Variants in NCOA1 observed in about 807,000 individuals in gnomAD.
The protein encoded by NCOA1 is Hin-2 protein.
Under a neutral mutation model 150.9 loss-of-function variants are expected in NCOA1, and 35 were observed. The ratio of observed to expected loss-of-function variants is 0.23; its 90% CI spans 0.18 to 0.31. NCOA1 has a LOEUF of 0.31. Ranked by LOEUF, NCOA1 falls within the 10% of genes least tolerant of loss-of-function variation. The pLI is 1.00. For synonymous variants in NCOA1, 590 were observed against 630.0 expected, an observed-to-expected ratio of 0.94 and a Z score of 0.95; for missense variants, 1,491 against 1,749.3, an observed-to-expected ratio of 0.85 and a Z score of 2.63.
At chr2:24,597,467 T>A (rs1667930029) in intron 3 of NCOA1, among the ~76,000 whole-genome samples, 1 of 152,040 alleles carries the variant, frequency 6.6e-6, no homozygotes, top group African/African-American at 2.4e-5. Context: ...TGGAAAACCA[T>A]AATCAATGGG....
At chr2:24,745,691 T>C (rs1359790277) in intron 19 of NCOA1, among the ~76,000 whole-genome samples, 1 of 152,190 alleles carries the variant, frequency 6.6e-6, no homozygotes, top group Non-Finnish European at 1.5e-5. Flanking sequence ...ACAGTATCTC[T>C]CAGCTCATAT....
rs573278855 is a variant in NCOA1, at chr2:24,563,048, C to T, written c.-395-1247C>T. Reference sequence around the variant, plus strand: ...GCTCTAAAGCATTATTTTCGAAAGCCAGATTTAGCCCAGTGGTTGAAAGAG... The same window carrying T: ...GCTCTAAAGCATTATTTTCGAAAGCTAGATTTAGCCCAGTGGTTGAAAGAG... On this transcript the variant is annotated intron_variant, in intron 1 of 22. Coordinates refer to ENST00000348332, the MANE Select transcript of NCOA1 (RefSeq NM_003743.5). Among the ~76,000 whole-genome samples the T allele has an allele frequency of 7.6e-4, 116 of 152,232 alleles. 1 individual carries two copies. Among genetic ancestry groups the T allele is most frequent in the African/African-American group, 2.7e-3 (111 of 41,538 alleles).
chr2:24,741,963 G>A lies in NCOA1; in HGVS notation c.3483G>A (p.Gln1161=), dbSNP rs1382361792. ...AAATGGGGAACCCCCGTCTTCCTCA[G>A]GGTGCTCCACAGCAATTCCCCTATC... ...PVQMGNPRLP[Q]GAPQQFPYPP... is the part of the protein sequence containing the mutation. Residue 1161 remains glutamine (Q), a synonymous_variant, in exon 19 of 23, where the codon CAG becomes CAA. Coordinates refer to ENST00000348332, the MANE Select transcript of NCOA1 (RefSeq NM_003743.5). 6.2e-7 allele frequency: 1 copy of A among 1,614,216 alleles called. No individual in the cohort carries two copies. Among genetic ancestry groups the A allele is most frequent in the South Asian group, 1.1e-5 (1 of 91,084 alleles).
At chr2:24,609,659 G>A (rs1244779372) in intron 3 of NCOA1, among the ~76,000 whole-genome samples, 1 of 151,826 alleles carries the variant, frequency 6.6e-6, no homozygotes, top group Non-Finnish European at 1.5e-5. Flanking sequence ...CCAACTTTTG[G>A]TTTAATTATT....
rs562919419 is a variant in NCOA1 at position 24,729,700 on chromosome 2, G to A, written c.3086G>A (p.Arg1029Gln). ...ATGCCTGTTCAAGTAACACCTCCCC[G>A]AGGTGCTTTTTCACCTGGCATGGGC... ...GTMPVQVTPP[R>Q]GAFSPGMGMQ... The change falls in exon 17 of 23, where the codon CGA (arginine) becomes CAA (glutamine). Residue 1029 changes from arginine to glutamine, a missense_variant. Arg to Gln is a conservative substitution (Grantham distance 43). Around this residue, in one of 8 missense-constraint regions of NCOA1, gnomAD observed 485 missense variants for 522.8 expected, o/e 0.93. Transcript: ENST00000348332. 39 of 1,614,140 alleles carry A rather than the reference G, an allele frequency of 2.4e-5. 1 individual carries two copies. In the East Asian group the frequency reaches 7.8e-4, roughly 32 times the overall value.
chr2:24,736,052 T>C (rs931545399), intron 17 of NCOA1, among the ~76,000 whole-genome samples: 5 of 151,788 alleles, frequency 3.3e-5, no homozygotes, highest in African/African-American at 1.2e-4. Flanking sequence ...AGAAACCCTG[T>C]CTCTACTAAA....
intron 8 of NCOA1, among the ~76,000 whole-genome samples, chr2:24,688,762 T>G (rs1220813292): frequency 6.6e-6 from 1 of 152,236 alleles, no homozygotes; most frequent in East Asian, 1.9e-4. Flanking sequence ...AGGTCCCATT[T>G]GTCAATTTTT....
chr2:24,693,222 C>A (rs1279465665), intron 9 of NCOA1, 30 bp from the exon 10 acceptor site: 1 of 1,592,390 alleles, frequency 6.3e-7, no homozygotes, highest in South Asian at 1.1e-5. Context: ...TACTCTCTAT[C>A]CTTCAATTTC....
Position 24,769,163 on chromosome 2 carries a change from GGCA to G in NCOA1, c.*775_*777del, listed in dbSNP as rs1572704406. ...TCTGATTAAATCTGGAAAAATAAAA[GGCA>G]GCCTGTTTTTTCTGCTTTTATTGTA... On this transcript the variant is annotated 3_prime_UTR_variant, in exon 23 of 23. Transcript: ENST00000348332. The G allele has an allele frequency of 5.0e-6, 1 of 201,846 alleles. No individual in the cohort carries two copies. The highest frequency in any genetic ancestry group is 7.7e-5 in the East Asian group (1 of 12,954). The allele number at this position is 201,846 out of a possible 1,614,324, so 12.5% of individuals were successfully genotyped here. A position where few individuals can be genotyped will look rare whatever the true frequency, so the allele number is the denominator to read the frequency against.
chr2:24,707,813 G>A lies in NCOA1; in HGVS notation c.2343G>A (p.Met781Ile). Reference protein sequence around the residue: ...VKVKVEKKEQMDPCNTNPTPM... With the variant: ...VKVKVEKKEQIDPCNTNPTPM... The stretch of plus-strand genomic sequence containing the variant: ...TGAAAGTGGAAAAGAAAGAACAGAT[G>A]GATCCATGTAATACAAACCCAACCC... Residue 781 changes from methionine (M) to isoleucine (I), a missense_variant, in exon 13 of 23, where the codon ATG becomes ATA. By Grantham distance (10) the Met-to-Ile change is conservative. Around this residue, in one of 8 missense-constraint regions of NCOA1, gnomAD observed 703 missense variants for 717.7 expected, o/e 0.98. Coordinates refer to ENST00000348332, the MANE Select transcript of NCOA1 (RefSeq NM_003743.5). The A allele has an allele frequency of 6.2e-7, 1 of 1,614,090 alleles. No homozygotes were observed. Among genetic ancestry groups the A allele is most frequent in the Admixed American group, 1.7e-5 (1 of 60,012 alleles).
At chr2:24,658,859 G>A in intron 5 of NCOA1, 93 bp downstream of exon 5, 1 of 1,155,570 alleles carries the variant, frequency 8.7e-7, no homozygotes. Flanking sequence ...TCCAAGTTCA[G>A]TGGCTTTCTT....
chr2:24,511,856 C>G (rs1663948143), intron 1 of NCOA1, among the ~76,000 whole-genome samples: 1 of 151,720 alleles, frequency 6.6e-6, no homozygotes, highest in African/African-American at 2.4e-5. Context: ...ACATTTAGGT[C>G]TGATATATTT....
At chr2:24,521,049 C>T (rs1664397317) in intron 1 of NCOA1, among the ~76,000 whole-genome samples, 1 of 152,082 alleles carries the variant, frequency 6.6e-6, no homozygotes, top group Admixed American at 6.6e-5. Context: ...TCAACTCCTT[C>T]AGGTCTTTGC....
chr2:24,641,259 G>A (rs1670203123), intron 3 of NCOA1, among the ~76,000 whole-genome samples: 1 of 150,812 alleles, frequency 6.6e-6, no homozygotes, highest in South Asian at 2.1e-4. Flanking sequence ...TGCTATTATT[G>A]TAATATAATT....
intron 3 of NCOA1, among the ~76,000 whole-genome samples, chr2:24,588,496 C>T (rs758185309): frequency 8.5e-5 from 13 of 152,208 alleles, no homozygotes; most frequent in Non-Finnish European, 1.3e-4. Context: ...GAGTTGCCTT[C>T]CTTTTTCCCC....
intron 1 of NCOA1, among the ~76,000 whole-genome samples, chr2:24,506,774 A>AT (rs1473132299): frequency 6.6e-6 from 1 of 152,178 alleles, no homozygotes; most frequent in Admixed American, 6.5e-5. Context: ...TAGAAACAGC[A>AT]TTTTTTGAGA....
intron 1 of NCOA1, chr2:24,492,174 G>T (rs1314395051): frequency 6.6e-6 from 1 of 152,184 alleles, no homozygotes; most frequent in Admixed American, 6.5e-5. Flanking sequence ...CTTCTCCCGA[G>T]AAGGGGTTTC....
At chr2:24,669,404 A>G (rs1033511470) in intron 6 of NCOA1, among the ~76,000 whole-genome samples, 4 of 152,178 alleles carry the variant, frequency 2.6e-5, no homozygotes, top group African/African-American at 9.6e-5. Context: ...CTTCTTTTCC[A>G]TTACAGATAA....
chr2:24,767,246 C>A (rs1226937546), intron 22 of NCOA1, among the ~76,000 whole-genome samples: 1 of 152,132 alleles, frequency 6.6e-6, no homozygotes, highest in Non-Finnish European at 1.5e-5. Flanking sequence ...AAAAAAAATA[C>A]ACCACTAATC....
Sources: gnomAD v4.1 joint callset for allele counts (sites outside exome capture counted in the v4.1 genomes callset) on GRCh38, gnomAD v4.1.1 for gene constraint, gnomAD v4.1.1 regional missense constraint, MANE v1.5 for transcripts, NCBI Gene and HGNC (gene_info 2026-07-23, HGNC 2026-07-21) for gene names.